Variants in CSF2RA observed in about 807,000 individuals in gnomAD.
CSF2RA encodes the protein granulocyte-macrophage colony-stimulating factor receptor subunit alpha.
A neutral mutation model predicts 51.6 loss-of-function variants in CSF2RA; 42 were observed. The observed-to-expected ratio is 0.81, with a 90% CI of 0.64 to 1.05. CSF2RA has a LOEUF of 1.05. CSF2RA is among the 50% of genes least tolerant of loss of function. The pLI, the probability that CSF2RA is intolerant of heterozygous loss-of-function variation, is 0.00. For missense variants in CSF2RA, 530 were observed against 501.1 expected, an observed-to-expected ratio of 1.06 and a Z score of -0.55; for synonymous variants, 222 against 193.0, an observed-to-expected ratio of 1.15 and a Z score of -1.24.
rs747210101 is a variant in CSF2RA at position 1,290,792 on chromosome X, C to T, written c.646+283C>T. Among the ~76,000 whole-genome samples, 5 of 152,108 alleles carry T rather than the reference C, an allele frequency of 3.3e-5. No homozygotes were observed. The South Asian group carries it at 6.2e-4, about 19-fold the overall frequency. ...AGGAGAATCACTCAAACCTAGGAGG[C>T]GGACGTTGCAATGAGGTGAGATTGT... On this transcript the variant is annotated intron_variant, in intron 7 of 12. Coordinates refer to ENST00000381529, the MANE Select transcript of CSF2RA (RefSeq NM_172245.4).
At chrX:1,314,279 CCCCACTGCAT>C (rs1569514727), downstream of CSF2RA, among the ~76,000 whole-genome samples, 92 of 74,938 alleles carry the variant, frequency 1.2e-3, 5 homozygotes, top group African/African-American at 2.8e-3. Context: ...GCCTGCCCAA[CCCCACTGCAT>C]CTGCCCAACC....
the CSF2RA span, among the ~76,000 whole-genome samples, chrX:1,321,144 T>G: frequency 6.6e-6 from 1 of 151,930 alleles, no homozygotes; most frequent in African/African-American, 2.4e-5. Context: ...CTTGGCATAT[T>G]TTGGATTGAC....
At chrX:1,293,793 C>A (rs112526800) in intron 7 of CSF2RA, 3 of 422,636 alleles carry the variant, frequency 7.1e-6, no homozygotes, top group South Asian at 5.2e-5. Flanking sequence ...CCCTGCCCCA[C>A]CTCCACCTGG....
intron 5 of CSF2RA, 44 bp downstream of exon 5, chrX:1,288,686 C>T (rs2091045390): frequency 6.2e-7 from 1 of 1,613,906 alleles, no homozygotes; most frequent in Non-Finnish European, 8.5e-7. Flanking sequence ...ACTGGCCCCA[C>T]CACCCCGCCA....
At chrX:1,289,430 G>GT (rs1333743984) in intron 6 of CSF2RA, among the ~76,000 whole-genome samples, 2 of 152,092 alleles carry the variant, frequency 1.3e-5, no homozygotes, top group African/African-American at 2.4e-5. Flanking sequence ...CACCTGGCCT[G>GT]TTTTTTTGGT....
the CSF2RA span, among the ~76,000 whole-genome samples, chrX:1,322,439 G>GT: frequency 0.3 from 35,524 of 119,634 alleles, 5,517 homozygotes; most frequent in East Asian, 0.51. Context: ...GTGTGTGTTT[G>GT]TTTTTTTTTT....
rs111577626 is a variant in CSF2RA, at chrX:1,301,976, G to C, written c.946+1350G>C. On this transcript the variant is annotated intron_variant, in intron 10 of 12. Coordinates refer to ENST00000381529, the MANE Select transcript of CSF2RA (RefSeq NM_172245.4). ...TTGTTGCCCAGGCTGGAGTGCAGTG[G>C]TGCCATCTCGGCTCACCGCGATCTC... Among the ~76,000 whole-genome samples, 435 of 145,578 alleles carry C rather than the reference G, an allele frequency of 3.0e-3. 2 individuals carry two copies. Among genetic ancestry groups the C allele is most frequent in the African/African-American group, 0.011 (412 of 39,076 alleles).
At chrX:1,309,015 G>A (rs2083958735) in intron 12 of CSF2RA, among the ~76,000 whole-genome samples, 1 of 152,092 alleles carries the variant, frequency 6.6e-6, no homozygotes. Flanking sequence ...ATCACCTCGA[G>A]GTCAGGAGTT....
At chrX:1,318,963 GTGA>G in the CSF2RA span, among the ~76,000 whole-genome samples, 1 of 150,462 alleles carries the variant, frequency 6.6e-6, no homozygotes, top group African/African-American at 2.4e-5. Flanking sequence ...TCGCCCCCTG[GTGA>G]TGATGATCCT....
Position 1,309,416 on chromosome X carries a change from A to C in CSF2RA, c.1140A>C (p.Glu380Asp). 1 of 1,613,934 alleles carries C rather than the reference A, an allele frequency of 6.2e-7. No homozygotes were observed. Among genetic ancestry groups the C allele is most frequent in the Non-Finnish European group, 8.5e-7 (1 of 1,179,856 alleles). Residue 380 changes from glutamate (E) to aspartate (D), a missense_variant, in exon 13 of 13, where the codon GAA becomes GAC. Coordinates refer to ENST00000381529, the MANE Select transcript of CSF2RA (RefSeq NM_172245.4). ...CTTTTTCTCAGATCATCTGGGAGGA[A>C]TTCACCCCAGAGGAAGGGAAAGGCT... ...HEVEDEIIWEEFTPEEGKGYR... is the reference protein window; with the variant it reads ...HEVEDEIIWEDFTPEEGKGYR...
intron 7 of CSF2RA, 28 bp downstream of exon 7, chrX:1,290,537 T>C (rs181053733): frequency 5.6e-6 from 9 of 1,607,140 alleles, no homozygotes; most frequent in East Asian, 2.2e-5. Flanking sequence ...GATTTTCCTA[T>C]TGTTTATAGG....
intron 4 of CSF2RA, 58 bp downstream of exon 4, chrX:1,285,978 A>C (rs2090600330): frequency 2.5e-6 from 4 of 1,611,156 alleles, no homozygotes; most frequent in Non-Finnish European, 3.4e-6. Flanking sequence ...TCTGAGTTAA[A>C]AGCAACAGGG....
chrX:1,289,134 T>C, intron 6 of CSF2RA: 3 of 551,516 alleles, frequency 5.4e-6, no homozygotes, highest in Middle Eastern at 5.1e-4. Flanking sequence ...GCCACATCTA[T>C]GTATTTAGAG....
the CSF2RA span, among the ~76,000 whole-genome samples, chrX:1,324,656 C>G: frequency 3.3e-5 from 5 of 152,018 alleles, no homozygotes; most frequent in East Asian, 9.6e-4. Flanking sequence ...TGCTTTGGCC[C>G]CACTGTGGAT....
chrX:1,273,031 G>A (rs777922901), intron 1 of CSF2RA, among the ~76,000 whole-genome samples: 1 of 151,538 alleles, frequency 6.6e-6, no homozygotes, highest in South Asian at 2.1e-4. Context: ...GGTTGGCCAG[G>A]CTGGTCTCGA....
chrX:1,319,952 G>A, the CSF2RA span, among the ~76,000 whole-genome samples: 23 of 149,336 alleles, frequency 1.5e-4, 1 homozygote, highest in Non-Finnish European at 3.4e-4. Context: ...CCAGAGTGCA[G>A]TGGCACGATC....
At chrX:1,284,879 C>T (rs2090461919) in intron 3 of CSF2RA, among the ~76,000 whole-genome samples, 1 of 151,892 alleles carries the variant, frequency 6.6e-6, no homozygotes, top group Non-Finnish European at 1.5e-5. Context: ...ATTGGCCAGG[C>T]TGGTCTCGAA....
At chrX:1,303,188 G>A (rs1211812744) in intron 10 of CSF2RA, 2 of 266,322 alleles carry the variant, frequency 7.5e-6, no homozygotes, top group African/African-American at 4.5e-5. Context: ...CTCCTGAGTA[G>A]CTGGGATTAC....
At chrX:1,314,497 G>GCA (rs2084395540), downstream of CSF2RA, among the ~76,000 whole-genome samples, 7 of 90,698 alleles carry the variant, frequency 7.7e-5, no homozygotes, top group African/African-American at 3.6e-4. Context: ...ACCCCACTGT[G>GCA]CCTGCCCAAC....
Sources: allele counts gnomAD v4.1 joint callset (sites outside exome capture counted in the v4.1 genomes callset), GRCh38; gene constraint gnomAD v4.1.1; transcripts MANE v1.5; gene names NCBI Gene and HGNC (gene_info 2026-07-23, HGNC 2026-07-21).